Variants in RIC1 observed in about 807,000 individuals in gnomAD.
The protein encoded by RIC1 is RIC1 partner of RAB6A GEF complex, also known as guanine nucleotide exchange factor subunit RIC1.
In RIC1, 88 loss-of-function variants were observed where a neutral mutation model predicts 169.0. The ratio of observed to expected loss-of-function variants is 0.52; its 90% CI spans 0.44 to 0.62. RIC1 has a LOEUF of 0.62. Among genes scored for constraint, RIC1 ranks in the 20% least tolerant of loss-of-function variants. RIC1 has a pLI of 0.00. For missense variants in RIC1, 1,877 were observed against 1,725.5 expected (o/e 1.09, Z -1.56); for synonymous variants, 790 against 601.5 (o/e 1.31, Z -4.59).
At chr9:5,719,095 T>C (rs955617211) in intron 4 of RIC1, 2 of 152,208 alleles carry the variant, frequency 1.3e-5, no homozygotes, top group African/African-American at 4.8e-5. Context: ...TTTTTCCTTA[T>C]ATAGTATTTG....
chr9:5,747,675 C>T (rs540086760), intron 12 of RIC1, among the ~76,000 whole-genome samples, 170 bp downstream of exon 12: 26 of 152,324 alleles, frequency 1.7e-4, no homozygotes, highest in African/African-American at 6.0e-4. Context: ...TCTTCTCCCT[C>T]CTTTCTTTCC....
In RIC1 at chr9:5,763,414, T is replaced by C. The variant is rs895761591; in HGVS notation, c.2387T>C (p.Leu796Ser). The C allele has an allele frequency of 8.1e-6, 13 of 1,614,088 alleles. No homozygotes were observed. In the African/African-American group the frequency reaches 1.1e-4, roughly 13 times the overall value. Residue 796 changes from leucine to serine, a missense_variant, in exon 19 of 26, where the codon TTG (leucine) becomes TCG (serine). Leu to Ser is a moderately radical substitution (Grantham distance 145, BLOSUM62 -2). Around this residue, in one of 3 missense-constraint regions of RIC1, gnomAD observed 1,104 missense variants for 992.0 expected, o/e 1.11. Coordinates refer to ENST00000414202, the MANE Select transcript of RIC1 (RefSeq NM_020829.4). This position sits in a 1 kb window ranked among gnomAD's most constrained non-coding sequence, Gnocchi z 5.2. The part of the protein sequence containing the change: ...ALVLGAVNDT[L>S]LYDSLYTRNN... ...GTCCTTGGTGCTGTCAATGACACTTTGCTCTATGATTCTTTATATACTCGG... is the reference window on the plus strand; with the variant it reads ...GTCCTTGGTGCTGTCAATGACACTTCGCTCTATGATTCTTTATATACTCGG...
chr9:5,668,678 G>A (rs1411558194), intron 2 of RIC1, among the ~76,000 whole-genome samples: 1 of 151,916 alleles, frequency 6.6e-6, no homozygotes, highest in African/African-American at 2.4e-5. Flanking sequence ...TTTCTGTAGT[G>A]AATTTTTCAT....
intron 21 of RIC1, 60 bp downstream of exon 21, chr9:5,765,858 A>T: frequency 6.3e-7 from 1 of 1,578,180 alleles, no homozygotes; most frequent in Non-Finnish European, 8.6e-7. Context: ...GCATTTCAAG[A>T]CATTTACAAA....
rs1254990021 is a variant in RIC1 at position 5,682,381 on chromosome 9, C to A, written c.253-7578C>A. 2.6e-5 allele frequency among the ~76,000 whole-genome samples: 4 copies of A among 152,188 alleles called. No homozygotes were observed. In the South Asian group the frequency reaches 8.3e-4, roughly 32 times the overall value. On this transcript the variant is annotated intron_variant, in intron 2 of 25. Coordinates refer to ENST00000414202, the MANE Select transcript of RIC1 (RefSeq NM_020829.4). ...GGGGACAAAATCTCTCAGCATTTGC[C>A]TGTCTGTAAAGGATTTTATTTCTCT...
At chr9:5,721,026 T>C (rs1823556928) in intron 6 of RIC1, among the ~76,000 whole-genome samples, 1 of 152,224 alleles carries the variant, frequency 6.6e-6, no homozygotes, top group African/African-American at 2.4e-5. Context: ...TTTTGATTTT[T>C]AATCTCCACT....
At chr9:5,700,577 T>C (rs1482866974) in intron 3 of RIC1, among the ~76,000 whole-genome samples, 2 of 151,554 alleles carry the variant, frequency 1.3e-5, no homozygotes, top group Non-Finnish European at 2.9e-5. Flanking sequence ...TTAATGTATA[T>C]TTATAAATAT....
At chr9:5,677,609 G>A (rs1820529562) in intron 2 of RIC1, among the ~76,000 whole-genome samples, 1 of 151,402 alleles carries the variant, frequency 6.6e-6, no homozygotes, top group Admixed American at 6.6e-5. Context: ...AAATCACACA[G>A]TGTTAGGTCT....
chr9:5,658,467 C>G (rs1005209196), intron 2 of RIC1, among the ~76,000 whole-genome samples: 2 of 152,000 alleles, frequency 1.3e-5, no homozygotes, highest in East Asian at 3.8e-4. Flanking sequence ...TGTTATAATA[C>G]TGCTCAGTTG....
At position 5,690,030 on chromosome 9, in the gene RIC1, G is replaced by C; in HGVS notation, c.324G>C (p.Val108=). 1 of 1,585,128 alleles carries C rather than the reference G, an allele frequency of 6.3e-7. No individual in the cohort carries two copies. The highest frequency in any genetic ancestry group is 8.6e-7 in the Non-Finnish European group (1 of 1,167,630). The change falls in exon 3 of 26, where the codon GTG becomes GTC. Residue 108 remains valine, a synonymous_variant. Coordinates refer to ENST00000414202, the MANE Select transcript of RIC1 (RefSeq NM_020829.4). ...GGGACAAGTACCTTTATGAACCAGT[G>C]TATCCCAAGTAAGTTTGTTGCCTTT... The part of the protein sequence containing the change: ...TRGDKYLYEP[V]YPKGSPQMKG...
intron 12 of RIC1, among the ~76,000 whole-genome samples, chr9:5,751,059 T>C (rs1282672577): frequency 6.6e-6 from 1 of 151,842 alleles, no homozygotes; most frequent in African/African-American, 2.4e-5. Flanking sequence ...GATTTAACTT[T>C]GGTTCCCATT....
Position 5,745,996 on chromosome 9 carries a change from T to G in RIC1, c.1161T>G (p.Ile387Met). 6.2e-7 allele frequency: 1 copy of G among 1,613,736 alleles called. No homozygotes were observed. Among genetic ancestry groups the G allele is most frequent in the Non-Finnish European group, 8.5e-7 (1 of 1,179,696 alleles). ...ISGFGSQNTE[I>M]ESDLRSVVKQ... ...GATTTGGTTCTCAAAACACTGAAATTGAGTCTGACCTCAGGAGTGTAGTTA... is the reference window on the plus strand; with the variant it reads ...GATTTGGTTCTCAAAACACTGAAATGGAGTCTGACCTCAGGAGTGTAGTTA... The change falls in exon 11 of 26, where the codon ATT becomes ATG. Residue 387 changes from isoleucine to methionine, a missense_variant. Ile to Met is a conservative substitution (Grantham distance 10). This residue lies in a region of RIC1 where 1,104 missense variants were observed against 992.0 expected (regional missense o/e 1.11). Transcript: ENST00000414202.
intron 2 of RIC1, 53 bp downstream of exon 2, chr9:5,656,743 A>T (rs780316641): frequency 5.9e-6 from 6 of 1,015,462 alleles, no homozygotes; most frequent in Admixed American, 2.1e-5. Flanking sequence ...ATTACATCGC[A>T]TTTAAATTTG....
chr9:5,642,411 AC>A lies in RIC1; in HGVS notation c.144+12959del, dbSNP rs1046066309. Among the ~76,000 whole-genome samples the A allele has an allele frequency of 3.5e-5, 5 of 144,756 alleles. 1 individual carries two copies. The highest frequency in any genetic ancestry group is 3.4e-4 in the Admixed American group (5 of 14,924). The allele number at this position is 144,756 out of a possible 152,430, so 95.0% of individuals were successfully genotyped here. ...CACCACCTGGCTACCACCTATGTTC[AC>A]TCAAGGCCCTAAGGCTCTACCATCA... is the stretch of plus-strand genomic sequence containing the variant. On this transcript the variant is annotated intron_variant, in intron 1 of 25. Transcript: ENST00000414202.
At chr9:5,667,095 C>T (rs950020666) in intron 2 of RIC1, among the ~76,000 whole-genome samples, 18 of 152,140 alleles carry the variant, frequency 1.2e-4, no homozygotes, top group African/African-American at 4.3e-4. Flanking sequence ...GAAGCTGAGG[C>T]GGGAGGATTG....
At chr9:5,712,354 G>C (rs957961478) in intron 3 of RIC1, among the ~76,000 whole-genome samples, 2 of 152,052 alleles carry the variant, frequency 1.3e-5, no homozygotes, top group African/African-American at 2.4e-5. Context: ...TCATGTGTCT[G>C]TTAAAGAGCT....
At chr9:5,655,461 G>C (rs10975213) in intron 1 of RIC1, among the ~76,000 whole-genome samples, 49,353 of 151,506 alleles carry the variant, frequency 0.33, 8,600 homozygotes, top group East Asian at 0.59. Flanking sequence ...CCACCACACC[G>C]GGCTAATTTT....
At chr9:5,662,436 A>G (rs1819509614) in intron 2 of RIC1, among the ~76,000 whole-genome samples, 1 of 151,104 alleles carries the variant, frequency 6.6e-6, no homozygotes, top group Non-Finnish European at 1.5e-5. Context: ...CTCTGGTAGA[A>G]TTCAGCTGTG....
At chr9:5,749,338 A>G (rs1021500020) in intron 12 of RIC1, among the ~76,000 whole-genome samples, 4 of 152,234 alleles carry the variant, frequency 2.6e-5, no homozygotes, top group Non-Finnish European at 4.4e-5. Context: ...CAGTGCAGTT[A>G]TGGTGGCGGT....
Sources: allele counts gnomAD v4.1 joint callset (sites outside exome capture counted in the v4.1 genomes callset), GRCh38; gene constraint gnomAD v4.1.1; regional missense constraint gnomAD v4.1.1; non-coding constraint Gnocchi (gnomAD v3.1); transcripts MANE v1.5; gene names NCBI Gene and HGNC (gene_info 2026-07-23, HGNC 2026-07-21).